The following PAPLN variants were observed in gnomAD, a reference collection of about 807,000 sequenced individuals.
PAPLN encodes papilin.
PAPLN carries 146 observed loss-of-function variants against 159.0 expected under a neutral mutation model. The observed-to-expected ratio is 0.92, with a 90% confidence interval of 0.80 to 1.05. The LOEUF (loss-of-function observed/expected upper bound fraction) is 1.05, where lower values mean the gene tolerates loss of function less well. Among genes scored for constraint, PAPLN ranks in the 50% least tolerant of loss-of-function variants. The pLI, the probability that PAPLN is intolerant of heterozygous loss-of-function variation, is 0.00. For missense variants in PAPLN, 1,720 were observed against 1,743.9 expected, an observed-to-expected ratio of 0.99 and a Z score of 0.24; for synonymous variants, 734 against 702.9, an observed-to-expected ratio of 1.04 and a Z score of -0.70.
intron 9 of PAPLN, 68 bp downstream of exon 9, chr14:73,251,904 G>A: frequency 6.5e-7 from 1 of 1,549,572 alleles, no homozygotes; most frequent in Non-Finnish European, 8.7e-7. Flanking sequence ...GCCAAGCTCT[G>A]TACATGGGGG....
At chr14:73,237,307 C>T (rs1883089225), upstream of PAPLN, among the ~76,000 whole-genome samples, 1 of 152,104 alleles carries the variant, frequency 6.6e-6, no homozygotes, top group African/African-American at 2.4e-5. Flanking sequence ...GACGGGGTGA[C>T]CAGAGTGGAG....
chr14:73,252,274 T>C, intron 10 of PAPLN, 133 bp downstream of exon 10: 1 of 1,336,728 alleles, frequency 7.5e-7, no homozygotes, highest in Non-Finnish European at 9.9e-7. Flanking sequence ...GAGAAATCTC[T>C]GTGTTATGGG....
At chr14:73,255,435 A>G (rs1885795411) in intron 14 of PAPLN, among the ~76,000 whole-genome samples, 1 of 152,134 alleles carries the variant, frequency 6.6e-6, no homozygotes, top group Non-Finnish European at 1.5e-5. Context: ...TACTCAGTGA[A>G]TGTCTGTTGA....
rs372137357 is a variant in PAPLN, at chr14:73,254,973, G to C, written c.1582G>C (p.Val528Leu). The C allele has an allele frequency of 1.9e-6, 3 of 1,613,702 alleles. No individual in the cohort carries two copies. Among genetic ancestry groups the C allele is most frequent in the African/African-American group, 2.7e-5 (2 of 74,930 alleles). ...HCGSLQHSKP[V>L]DVEPCNTQPC... ...CGGGAGCCTGCAGCACTCCAAGCCT[G>C]TGGATGTGGAGCCTTGTAACACGCA... The change falls in exon 14 of 27, where the codon GTG becomes CTG. Residue 528 changes from valine (V) to leucine (L), a missense_variant. Physicochemically the swap from Val to Leu is conservative, Grantham distance 32. Transcript: ENST00000644200.
chr14:73,252,962 G>T (rs993029175), intron 11 of PAPLN, among the ~76,000 whole-genome samples, 187 bp downstream of exon 11: 1 of 152,170 alleles, frequency 6.6e-6, no homozygotes, highest in Non-Finnish European at 1.5e-5. Flanking sequence ...CCTGAGCCCG[G>T]GGCTGGTCTC....
chr14:73,259,338 G>C lies in PAPLN; in HGVS notation c.1778G>C (p.Gly593Ala). 2 of 1,609,684 alleles carry C rather than the reference G, an allele frequency of 1.2e-6. No homozygotes were observed. The highest frequency in any genetic ancestry group is 1.7e-6 in the Non-Finnish European group (2 of 1,177,464). The change falls in exon 16 of 27, where the codon GGT (glycine) becomes GCT (alanine). Residue 593 changes from glycine (G) to alanine (A), a missense_variant. Transcript: ENST00000644200. ...AGGGGTGACCACAGGGGAGAACGAG[G>C]TGACCCCAGGGGCGACCAAGGCACC... Reference protein sequence around the residue: ...SARGDHRGERGDPRGDQGTHL... With the variant: ...SARGDHRGERADPRGDQGTHL...
intron 7 of PAPLN, 95 bp from the exon 8 acceptor site, chr14:73,251,391 C>T (rs150393116): frequency 7.7e-7 from 1 of 1,294,294 alleles, no homozygotes; most frequent in South Asian, 1.3e-5. Flanking sequence ...CCCTCCCTGC[C>T]CCCATTCTGT....
Position 73,272,837 on chromosome 14 carries a change from T to TTC in PAPLN, c.*179_*180dup. 1.8e-6 allele frequency: 1 copy of TTC among 565,256 alleles called. No individual in the cohort carries two copies. Among genetic ancestry groups the TTC allele is most frequent in the East Asian group, 3.2e-5 (1 of 31,206 alleles). The allele number at this position is 565,256 out of a possible 1,614,324, so 35.0% of individuals were successfully genotyped here. Reference sequence around the variant, plus strand: ...GCCTCAACGGCAGCCAGTTACCAGCTTCTCTCTGTAGCCTTCAGCAGTGTT... The same window carrying TTC: ...GCCTCAACGGCAGCCAGTTACCAGCTTCTCTCTCTGTAGCCTTCAGCAGTGTT... On this transcript the variant is annotated 3_prime_UTR_variant, in exon 27 of 27. Transcript: ENST00000644200.
chr14:73,241,611 C>A (rs538348832), intron 2 of PAPLN, among the ~76,000 whole-genome samples: 2 of 152,330 alleles, frequency 1.3e-5, no homozygotes, highest in Middle Eastern at 3.4e-3. Flanking sequence ...CTGGGCGCAG[C>A]CTGGGCTGAG....
In PAPLN at chr14:73,273,769, A is replaced by C. The variant is rs953008602; in HGVS notation, c.*1105A>C. 2 of 152,132 alleles carry C rather than the reference A, an allele frequency of 1.3e-5. No individual in the cohort carries two copies. The highest frequency in any genetic ancestry group is 1.3e-4 in the Admixed American group (2 of 15,258). 9.4% of individuals were successfully genotyped at this position (152,132 alleles called of 1,614,324 possible). On this transcript the variant is annotated 3_prime_UTR_variant, in exon 27 of 27. Transcript: ENST00000644200. ...ATGGTTCATTGCTCTAGTCTCTCTC[A>C]CCCTTCTAGGCAGTGCATCAGTCAG...
In PAPLN at chr14:73,272,498, C is replaced by A. The variant is rs756131983; in HGVS notation, c.3671C>A (p.Pro1224His). ...STEVKVVSPA[P>H]TAQPRDPGRD... is the part of the protein sequence containing the mutation. ...TCTCTCCCCTGTCGTTCTGCAGCAC[C>A]CACCGCCCAGCCCAGGGACCCTGGC... The change falls in exon 27 of 27, where the codon CCC (proline) becomes CAC (histidine). Residue 1224 changes from proline (P) to histidine (H), a missense_variant. Transcript: ENST00000644200. The A allele has an allele frequency of 1.0e-5, 16 of 1,535,208 alleles. No individual in the cohort carries two copies. Among genetic ancestry groups the A allele is most frequent in the Non-Finnish European group, 1.4e-5 (16 of 1,128,210 alleles).
In PAPLN at chr14:73,246,131, C is replaced by G; in HGVS notation, c.290C>G (p.Ala97Gly). 6.3e-7 allele frequency: 1 copy of G among 1,591,540 alleles called. No homozygotes were observed. The highest frequency in any genetic ancestry group is 8.5e-7 in the Non-Finnish European group (1 of 1,171,414). Residue 97 changes from alanine (A) to glycine (G), a missense_variant, in exon 5 of 27, where the codon GCG (alanine) becomes GGG (glycine). Coordinates refer to ENST00000644200, the MANE Select transcript of PAPLN (RefSeq NM_001365906.3). ...RAEQCAEFDG[A>G]EFQGRRYRWL... ...GAGCAGTGCGCGGAGTTCGACGGAG[C>G]GGAGTTCCAGGGGCGGCGGTATCGG... is the stretch of plus-strand genomic sequence containing the variant.
chr14:73,248,591 T>G (rs953007505), intron 5 of PAPLN, among the ~76,000 whole-genome samples: 1 of 145,716 alleles, frequency 6.9e-6, no homozygotes, highest in Non-Finnish European at 1.5e-5. Context: ...ATCACTTGAG[T>G]CCAGGAATTT....
intron 14 of PAPLN, among the ~76,000 whole-genome samples, chr14:73,255,483 C>T (rs1885802905): frequency 6.6e-6 from 1 of 152,190 alleles, no homozygotes; most frequent in Non-Finnish European, 1.5e-5. Flanking sequence ...GGGAAGGAGG[C>T]AGTCCAGGAA....
At chr14:73,259,129 G>T in intron 15 of PAPLN, 70 bp downstream of exon 15, 1 of 1,543,562 alleles carries the variant, frequency 6.5e-7, no homozygotes, top group Non-Finnish European at 8.8e-7. Flanking sequence ...GTACATGGGG[G>T]TGTGGGGGTC....
rs1006767927 is a variant in PAPLN at position 73,250,037 on chromosome 14, A to G, written c.388A>G (p.Lys130Glu). The change falls in exon 6 of 27, where the codon AAG (lysine) becomes GAG (glutamate). Residue 130 changes from lysine (K) to glutamate (E), a missense_variant. Physicochemically the swap from Lys to Glu is moderately conservative, Grantham distance 56. Transcript: ENST00000644200. ...CIPKGENFYY[K>E]HREAVVDGTP... ...TCCCAAGGGGGAGAACTTCTACTAC[A>G]AGCACAGGGAGGCTGTGGTTGATGG... 2 of 1,613,052 alleles carry G rather than the reference A, an allele frequency of 1.2e-6. No homozygotes were observed. The highest frequency in any genetic ancestry group is 1.3e-5 in the African/African-American group (1 of 74,836).
chr14:73,263,843 A>T, intron 20 of PAPLN, 61 bp downstream of exon 20: 4 of 1,453,078 alleles, frequency 2.8e-6, no homozygotes, highest in Non-Finnish European at 3.6e-6. Flanking sequence ...CTTCCCTGAC[A>T]GGTGTGTGTG....
intron 2 of PAPLN, among the ~76,000 whole-genome samples, chr14:73,240,097 G>A (rs111229221): frequency 1.3e-5 from 2 of 152,320 alleles, no homozygotes; most frequent in African/African-American, 4.8e-5. Flanking sequence ...TTCAGAAGGT[G>A]GTGGGAGCAC....
At position 73,245,996 on chromosome 14, in the gene PAPLN, T is replaced by C; in HGVS notation, c.232-77T>C. The C allele has an allele frequency of 7.2e-7, 1 of 1,383,258 alleles. No homozygotes were observed. The allele number at this position is 1,383,258 out of a possible 1,614,324, so 85.7% of individuals were successfully genotyped here. ...AGGCAAGGGAGACTCCTGGGCTCCC[T>C]GGGCTCGGGCGGGGCGGGAGGTGGG... On this transcript the variant is annotated intron_variant, in intron 4 of 26. Transcript: ENST00000644200. This position sits in a 1 kb window ranked among gnomAD's most constrained non-coding sequence, Gnocchi z 4.2.
Sources: allele counts gnomAD v4.1 joint callset (sites outside exome capture counted in the v4.1 genomes callset), GRCh38; gene constraint gnomAD v4.1.1; non-coding constraint Gnocchi (gnomAD v3.1); transcripts MANE v1.5; gene names NCBI Gene and HGNC (gene_info 2026-07-23, HGNC 2026-07-21).